The following C6 variants were observed in gnomAD, a reference collection of about 807,000 sequenced individuals.
C6 encodes the protein complement component C6.
C6 carries 101 observed loss-of-function variants against 112.9 expected under a neutral mutation model. That is an observed-to-expected ratio of 0.89 (90% CI 0.76 to 1.06). C6 has a LOEUF of 1.06. Ranked by LOEUF, C6 falls within the 50% of genes least tolerant of loss-of-function variation. The pLI, the probability that C6 is intolerant of heterozygous loss-of-function variation, is 0.00. For missense variants in C6, 1,202 were observed against 1,104.6 expected (o/e 1.09, Z -1.25); for synonymous variants, 431 against 384.1 (o/e 1.12, Z -1.43).
chr5:41,176,812 C>T (rs1748897395), intron 7 of C6, 97 bp from the exon 8 acceptor site: 5 of 1,132,402 alleles, frequency 4.4e-6, no homozygotes, highest in African/African-American at 1.6e-5. Flanking sequence ...GTTTCATTCC[C>T]ACCACAGAAT....
At chr5:41,221,651 T>C (rs995628182) in intron 1 of C6, among the ~76,000 whole-genome samples, 4 of 152,148 alleles carry the variant, frequency 2.6e-5, no homozygotes, top group Non-Finnish European at 5.9e-5. Context: ...ATTGTTTTGG[T>C]GTGTGACTAG....
At position 41,197,779 on chromosome 5, in the gene C6, G is replaced by C. The variant is rs539041960; in HGVS notation, c.446-1846C>G. Among the ~76,000 whole-genome samples, 56 of 152,180 alleles carry C rather than the reference G, an allele frequency of 3.7e-4. No individual in the cohort carries two copies. In the South Asian group the frequency reaches 0.01, roughly 28 times the overall value. On this transcript the variant is annotated intron_variant, in intron 4 of 17. Transcript: ENST00000337836. ...TGTGACATGGGTGAGAATGGTTCCAGGTCATAAAAACTCTATGGAATAGAA... is the reference window on the plus strand; with the variant it reads ...TGTGACATGGGTGAGAATGGTTCCACGTCATAAAAACTCTATGGAATAGAA...
At chr5:41,166,703 G>T (rs1453409900) in intron 9 of C6, among the ~76,000 whole-genome samples, 1 of 152,228 alleles carries the variant, frequency 6.6e-6, no homozygotes, top group East Asian at 1.9e-4. Flanking sequence ...GTGAATGCAG[G>T]TTGCAGTGAG....
Position 41,219,477 on chromosome 5 carries a change from A to C in C6, c.-20-16227T>G, listed in dbSNP as rs114168743. On this transcript the variant is annotated intron_variant, in intron 1 of 17. Transcript: ENST00000263413. Reference sequence around the variant, plus strand: ...ATGAGGCAATGCAAGCAATGAAGGGACATGTGAAGTCCTTGAAATAACTCT... The same window carrying C: ...ATGAGGCAATGCAAGCAATGAAGGGCCATGTGAAGTCCTTGAAATAACTCT... 4.8e-3 allele frequency among the ~76,000 whole-genome samples: 725 copies of C among 152,230 alleles called. 10 individuals are homozygous for C. The highest frequency in any genetic ancestry group is 0.017 in the African/African-American group (697 of 41,542).
chr5:41,199,385 T>C (rs895540051), intron 4 of C6, among the ~76,000 whole-genome samples: 1 of 152,224 alleles, frequency 6.6e-6, no homozygotes, highest in Non-Finnish European at 1.5e-5. Flanking sequence ...GTGTATGTGC[T>C]TTTGACTTAC....
chr5:41,226,834 C>T (rs930747455), intron 1 of C6, among the ~76,000 whole-genome samples: 5 of 152,120 alleles, frequency 3.3e-5, no homozygotes, highest in Non-Finnish European at 7.4e-5. Context: ...ATATACACCA[C>T]ATTTTCTTTA....
rs543286241 is a variant in C6 at position 41,238,417 on chromosome 5, T to G, written c.-21+22777A>C. Reference sequence around the variant, plus strand: ...TGGAACAGAACAGAGCCTTCAGAAATAATGCCACATATCTCATTCTTTATT... The same window carrying G: ...TGGAACAGAACAGAGCCTTCAGAAAGAATGCCACATATCTCATTCTTTATT... On this transcript the variant is annotated intron_variant, in intron 1 of 17. Coordinates refer to the C6 transcript ENST00000263413. Among the ~76,000 whole-genome samples, 165 of 152,204 alleles carry G rather than the reference T, an allele frequency of 1.1e-3. 3 individuals carry two copies. In the South Asian group the frequency reaches 0.033, roughly 31 times the overall value.
intron 1 of C6, among the ~76,000 whole-genome samples, chr5:41,245,092 T>C (rs1202301060): frequency 6.6e-6 from 1 of 152,214 alleles, no homozygotes; most frequent in Non-Finnish European, 1.5e-5. Context: ...TTTTCATTAG[T>C]GGTCTGTGAT....
chr5:41,144,267 G>T (rs116305971), intron 17 of C6, among the ~76,000 whole-genome samples: 1 of 151,872 alleles, frequency 6.6e-6, no homozygotes, highest in Non-Finnish European at 1.5e-5. Context: ...TCTTTTGATC[G>T]TTTCTTTTCT....
At chr5:41,212,633 A>G (rs1017381000) in intron 1 of C6, among the ~76,000 whole-genome samples, 3 of 152,214 alleles carry the variant, frequency 2.0e-5, no homozygotes, top group Non-Finnish European at 4.4e-5. Context: ...TCATACAAAC[A>G]TAGAATAAAA....
At chr5:41,179,058 T>A (rs909288456) in intron 7 of C6, among the ~76,000 whole-genome samples, 1 of 152,058 alleles carries the variant, frequency 6.6e-6, no homozygotes, top group Non-Finnish European at 1.5e-5. Context: ...TTCACTGTGT[T>A]TCCCAGGCTG....
intron 17 of C6, among the ~76,000 whole-genome samples, chr5:41,147,613 TG>T (rs913741022): frequency 6.6e-6 from 1 of 152,216 alleles, no homozygotes; most frequent in Non-Finnish European, 1.5e-5. Flanking sequence ...ATATGGTTTT[TG>T]TCTTTCTTTT....
At chr5:41,210,891 C>A (rs13187119) in intron 1 of C6, among the ~76,000 whole-genome samples, 133,744 of 152,200 alleles carry the variant, frequency 0.88, 58,881 homozygotes, top group Admixed American at 0.93. Context: ...TACTGGGTAT[C>A]TACCCAAAGG....
intron 6 of C6, 67 bp from the exon 7 acceptor site, chr5:41,181,626 A>C: frequency 8.1e-7 from 1 of 1,240,746 alleles, no homozygotes; most frequent in Non-Finnish European, 1.2e-6. Context: ...TGGATATCTA[A>C]TGAAATGATG....
chr5:41,183,178 A>G (rs1210711663), intron 6 of C6, among the ~76,000 whole-genome samples: 2 of 152,230 alleles, frequency 1.3e-5, no homozygotes, highest in Non-Finnish European at 2.9e-5. Context: ...GCACAGTGGC[A>G]AATTACAAAG....
intron 9 of C6, among the ~76,000 whole-genome samples, chr5:41,165,091 G>A (rs1747866585): frequency 6.6e-6 from 1 of 152,128 alleles, no homozygotes; most frequent in Admixed American, 6.5e-5. Flanking sequence ...TTTAAAACAT[G>A]TACTCTTTTG....
chr5:41,201,000 T>C (rs916541163), intron 3 of C6, among the ~76,000 whole-genome samples: 1 of 149,246 alleles, frequency 6.7e-6, no homozygotes, highest in Admixed American at 6.8e-5. Flanking sequence ...ACCAACATGA[T>C]GCCACAGTGG....
At chr5:41,260,437 C>A (rs1741976294) in intron 1 of C6, among the ~76,000 whole-genome samples, 1 of 145,094 alleles carries the variant, frequency 6.9e-6, no homozygotes. Context: ...TCAGTAAAAA[C>A]AAACAAATAA....
At chr5:41,261,230 T>G in exon 1 of C6, 1 of 985,570 alleles carries the variant, frequency 1.0e-6, no homozygotes, top group Non-Finnish European at 1.2e-6. Flanking sequence ...CAGCAGATAC[T>G]TCAGCACATC....
Sources: allele counts gnomAD v4.1 joint callset (sites outside exome capture counted in the v4.1 genomes callset), GRCh38; gene constraint gnomAD v4.1.1; transcripts MANE v1.5; gene names NCBI Gene and HGNC (gene_info 2026-07-23, HGNC 2026-07-21).